The following COL19A1 variants were observed in gnomAD, a reference collection of about 807,000 sequenced individuals.
COL19A1 encodes the protein collagen type XIX alpha 1 chain.
COL19A1 carries 159 observed loss-of-function variants against 190.2 expected under a neutral mutation model. That is an observed-to-expected ratio of 0.84 (90% CI 0.73 to 0.95). The LOEUF is 0.95. Ranked by LOEUF, COL19A1 falls within the 40% of genes least tolerant of loss-of-function variation. The pLI, the probability that COL19A1 is intolerant of heterozygous loss-of-function variation, is 0.00. For synonymous variants in COL19A1, 509 were observed against 458.9 expected (o/e 1.11, Z -1.39); for missense variants, 1,418 against 1,431.9 (o/e 0.99, Z 0.16).
rs73480042 is a variant in COL19A1 at position 69,904,745 on chromosome 6, G to A, written c.266+4407G>A. On this transcript the variant is annotated intron_variant, in intron 4 of 50. Coordinates refer to ENST00000620364, the MANE Select transcript of COL19A1 (RefSeq NM_001858.6). ...GCTCAAGGTCAAACTTACAGCTGTTGCTAACTCTTGTTCCAGGCTGTTTAT... is the reference window on the plus strand; with the variant it reads ...GCTCAAGGTCAAACTTACAGCTGTTACTAACTCTTGTTCCAGGCTGTTTAT... Among the ~76,000 whole-genome samples, 1,240 of 152,342 alleles carry A rather than the reference G, an allele frequency of 8.1e-3. 18 individuals are homozygous for A. The highest frequency in any genetic ancestry group is 0.026 in the African/African-American group (1,065 of 41,576).
At chr6:69,983,609 C>A (rs1419604006) in intron 11 of COL19A1, among the ~76,000 whole-genome samples, 2 of 151,976 alleles carry the variant, frequency 1.3e-5, no homozygotes, top group African/African-American at 2.4e-5. Flanking sequence ...TTTGTAGAGA[C>A]CCTTTCTTAG....
At chr6:69,983,442 C>T (rs968885775) in intron 11 of COL19A1, among the ~76,000 whole-genome samples, 4 of 152,070 alleles carry the variant, frequency 2.6e-5, no homozygotes, top group Non-Finnish European at 5.9e-5. Flanking sequence ...CTTCTCTTTA[C>T]AAATCTTATT....
At chr6:69,892,164 C>T (rs1769395311) in intron 2 of COL19A1, among the ~76,000 whole-genome samples, 1 of 152,184 alleles carries the variant, frequency 6.6e-6, no homozygotes, top group East Asian at 1.9e-4. Context: ...AAAAAGGAAA[C>T]CTCCGAGTGG....
At chr6:70,207,047 G>T (rs903485774) in intron 50 of COL19A1, 69 bp downstream of exon 50, 51 of 1,603,092 alleles carry the variant, frequency 3.2e-5, no homozygotes, top group Non-Finnish European at 4.3e-5. Context: ...CTCCCCTAGG[G>T]TCCTTATATG....
intron 46 of COL19A1, among the ~76,000 whole-genome samples, chr6:70,187,034 C>A (rs138497739): frequency 1.3e-5 from 2 of 152,224 alleles, no homozygotes; most frequent in South Asian, 2.1e-4. Context: ...TGTGCCACCA[C>A]GCCTGGCTAA....
chr6:70,146,942 C>G, intron 27 of COL19A1, 53 bp downstream of exon 27: 1 of 1,456,402 alleles, frequency 6.9e-7, no homozygotes, highest in Non-Finnish European at 9.2e-7. Flanking sequence ...GAAACAAAAT[C>G]CAGTGTCAAA....
intron 4 of COL19A1, among the ~76,000 whole-genome samples, chr6:69,907,339 A>T (rs1343301045): frequency 6.6e-6 from 1 of 152,008 alleles, no homozygotes; most frequent in African/African-American, 2.4e-5. Context: ...CATGTCAGCC[A>T]GGCTGGTCTC....
In COL19A1 at chr6:70,165,942, G is replaced by A. The variant is rs1765124012; in HGVS notation, c.2402G>A (p.Gly801Asp). 1.2e-6 allele frequency: 2 copies of A among 1,613,880 alleles called. No homozygotes were observed. Among genetic ancestry groups the A allele is most frequent in the Admixed American group, 1.7e-5 (1 of 60,018 alleles). ...PGPTGAKGEK[G>D]SDGPPGKPGP... ...GATATGTCTATATATCCCTTGCAGG[G>A]CAGCGACGGACCCCCTGGGAAACCC... Residue 801 changes from glycine (G) to aspartate (D), a missense_variant and splice_region_variant, in exon 37 of 51, where the codon GGC (glycine) becomes GAC (aspartate). Gly to Asp is a moderately conservative substitution (Grantham distance 94). Transcript: ENST00000620364.
chr6:70,157,596 A>G (rs1787520977), intron 34 of COL19A1, among the ~76,000 whole-genome samples: 1 of 152,134 alleles, frequency 6.6e-6, no homozygotes, highest in South Asian at 2.1e-4. Context: ...TCTAATTAAT[A>G]TTGCTTGTAA....
chr6:69,870,468 T>C (rs1287089976), intron 1 of COL19A1, among the ~76,000 whole-genome samples: 2 of 152,200 alleles, frequency 1.3e-5, no homozygotes, highest in Non-Finnish European at 2.9e-5. Flanking sequence ...GCAGACTAAG[T>C]GTTTTCCAGA....
At chr6:70,017,644 G>A (rs1401713880) in intron 11 of COL19A1, among the ~76,000 whole-genome samples, 1 of 152,148 alleles carries the variant, frequency 6.6e-6, no homozygotes, top group Non-Finnish European at 1.5e-5. Flanking sequence ...AGCTGGGACA[G>A]ATCCCTGTGG....
At chr6:70,076,174 C>G (rs1388473681) in intron 15 of COL19A1, among the ~76,000 whole-genome samples, 2 of 152,104 alleles carry the variant, frequency 1.3e-5, no homozygotes, top group Admixed American at 6.6e-5. Context: ...ATCACATTTT[C>G]TAGCTAAAGG....
chr6:70,120,697 T>A (rs1035537646), intron 16 of COL19A1, among the ~76,000 whole-genome samples: 35 of 152,216 alleles, frequency 2.3e-4, no homozygotes, highest in Non-Finnish European at 1.0e-4. Flanking sequence ...GCCCATTATT[T>A]TCTCAAGAAT....
chr6:70,096,075 G>A (rs938432587), intron 15 of COL19A1, among the ~76,000 whole-genome samples: 8 of 140,252 alleles, frequency 5.7e-5, no homozygotes, highest in African/African-American at 8.1e-5. Flanking sequence ...TAGATCATAC[G>A]GTAACTCTAT....
chr6:69,921,505 T>TTC (rs1771912051), intron 4 of COL19A1, among the ~76,000 whole-genome samples: 2 of 108,868 alleles, frequency 1.8e-5, no homozygotes, highest in African/African-American at 3.6e-5. Flanking sequence ...TATTCATATA[T>TTC]ATTCATATGT....
chr6:70,130,178 C>T lies in COL19A1; in HGVS notation c.1342-4C>T. Reference sequence around the variant, plus strand: ...TTGTATTTTAAATTGTTTTTCACCCCTAGGGAAATGATGAACATGAAGCTG... The same window carrying T: ...TTGTATTTTAAATTGTTTTTCACCCTTAGGGAAATGATGAACATGAAGCTG... On this transcript the variant is annotated splice_polypyrimidine_tract_variant and splice_region_variant and intron_variant, in intron 17 of 50. Coordinates refer to ENST00000620364, the MANE Select transcript of COL19A1 (RefSeq NM_001858.6). The T allele has an allele frequency of 3.7e-6, 6 of 1,612,462 alleles. No individual in the cohort carries two copies. Among genetic ancestry groups the T allele is most frequent in the Non-Finnish European group, 5.1e-6 (6 of 1,179,552 alleles).
At chr6:70,186,550 A>G (rs1011154270) in intron 46 of COL19A1, among the ~76,000 whole-genome samples, 7 of 152,326 alleles carry the variant, frequency 4.6e-5, no homozygotes, top group African/African-American at 1.4e-4. Context: ...GTCAAGAGAA[A>G]TTGAGTTTGC....
chr6:70,001,759 G>C (rs1270255284), intron 11 of COL19A1, among the ~76,000 whole-genome samples: 2 of 152,144 alleles, frequency 1.3e-5, no homozygotes, highest in African/African-American at 2.4e-5. Context: ...GGCTTAAGGA[G>C]TTTTTGCGCT....
intron 9 of COL19A1, among the ~76,000 whole-genome samples, chr6:69,949,545 T>A (rs781682484): frequency 6.6e-6 from 1 of 151,924 alleles, no homozygotes; most frequent in Non-Finnish European, 1.5e-5. Context: ...TTCAAAATTT[T>A]AAAATCATCC....
Sources: gnomAD v4.1 joint callset for allele counts (sites outside exome capture counted in the v4.1 genomes callset) on GRCh38, gnomAD v4.1.1 for gene constraint, MANE v1.5 for transcripts, NCBI Gene and HGNC (gene_info 2026-07-23, HGNC 2026-07-21) for gene names.